Variants in RBMS3 observed in about 807,000 individuals in gnomAD.
The protein encoded by RBMS3 is RNA binding motif single stranded interacting protein 3.
Under a neutral mutation model 66.8 loss-of-function variants are expected in RBMS3, and 27 were observed. That is an observed-to-expected ratio of 0.40 (90% CI 0.30 to 0.56). The LOEUF (loss-of-function observed/expected upper bound fraction) is 0.56, where lower values mean the gene tolerates loss of function less well. Ranked by LOEUF, RBMS3 falls within the 20% of genes least tolerant of loss-of-function variation. The probability of loss-of-function intolerance (pLI) is 0.40; values close to 1 mark genes in which losing one functional copy is unlikely to be tolerated. For missense variants in RBMS3, 513 were observed against 549.5 expected (o/e 0.93, Z 0.66); for synonymous variants, 188 against 183.0 (o/e 1.03, Z -0.22).
At chr3:29,506,037 T>C (rs562878493) in intron 3 of RBMS3, among the ~76,000 whole-genome samples, 171 of 152,062 alleles carry the variant, frequency 1.1e-3, no homozygotes, top group African/African-American at 4.0e-3. Flanking sequence ...ATAATTTAAC[T>C]TCTTCCTTTC....
chr3:29,897,809 G>A (rs2060160996), intron 9 of RBMS3, among the ~76,000 whole-genome samples: 1 of 151,482 alleles, frequency 6.6e-6, no homozygotes, highest in Non-Finnish European at 1.5e-5. Context: ...TCCCTATTGT[G>A]TCTTTTCTAA....
chr3:29,912,043 T>C lies in RBMS3; in HGVS notation c.939+12288T>C, dbSNP rs950077035. On this transcript the variant is annotated intron_variant, in intron 10 of 14. Transcript: ENST00000383767. ...AATGGGTGGATAGATGATGAATGAA[T>C]GGATGGAGGGAAGGATGGATGCAGG... Among the ~76,000 whole-genome samples the C allele has an allele frequency of 3.3e-5, 5 of 151,860 alleles. 1 individual carries two copies. The highest frequency in any genetic ancestry group is 1.2e-4 in the African/African-American group (5 of 41,360).
chr3:29,676,442 A>G (rs888308499), intron 4 of RBMS3, among the ~76,000 whole-genome samples: 2 of 152,234 alleles, frequency 1.3e-5, no homozygotes, highest in Non-Finnish European at 2.9e-5. Context: ...TTTTTAAAAA[A>G]GAAATTAGTA....
Position 29,496,206 on chromosome 3 carries a change from AAAAAAAAG to A in RBMS3, c.307+7720_307+7727del, listed in dbSNP as rs1012506679. 1.5e-4 allele frequency among the ~76,000 whole-genome samples: 23 copies of A among 151,424 alleles called. No individual in the cohort carries two copies. The East Asian group carries it at 3.5e-3, about 23-fold the overall frequency. On this transcript the variant is annotated intron_variant, in intron 3 of 14. Coordinates refer to ENST00000383767, the MANE Select transcript of RBMS3 (RefSeq NM_001003793.3). ...TACCCCGCCCACATCAAAAAAAAAA[AAAAAAAAG>A]AAAAAAAGAAAAGACAAAAAAAAGT...
chr3:29,431,508 G>T (rs1416690046), intron 1 of RBMS3, among the ~76,000 whole-genome samples: 1 of 151,836 alleles, frequency 6.6e-6, no homozygotes, highest in Admixed American at 6.6e-5. Flanking sequence ...GGCCAGGATG[G>T]TCTTGATCTC....
At chr3:29,350,872 T>C (rs903393768) in intron 1 of RBMS3, among the ~76,000 whole-genome samples, 1 of 151,632 alleles carries the variant, frequency 6.6e-6, no homozygotes, top group Admixed American at 6.6e-5. Flanking sequence ...AAAACTATAA[T>C]GTGCATGGTA....
intron 1 of RBMS3, among the ~76,000 whole-genome samples, chr3:29,394,016 G>C (rs543538170): frequency 2.2e-4 from 34 of 152,154 alleles, no homozygotes; most frequent in Non-Finnish European, 4.3e-4. Flanking sequence ...CAGGAAACAG[G>C]GTTCGAGAGC....
At chr3:29,785,391 T>C (rs190106823) in intron 6 of RBMS3, among the ~76,000 whole-genome samples, 7 of 152,000 alleles carry the variant, frequency 4.6e-5, no homozygotes, top group South Asian at 4.1e-4. Flanking sequence ...AATGCAATTC[T>C]TATCTTAATA....
Position 29,841,219 on chromosome 3 carries a change from T to G in RBMS3, c.638-27639T>G, listed in dbSNP as rs148053775. Among the ~76,000 whole-genome samples the G allele has an allele frequency of 9.6e-4, 146 of 152,078 alleles. 1 individual carries two copies. The highest frequency in any genetic ancestry group is 2.7e-3 in the Admixed American group (42 of 15,282). Reference sequence around the variant, plus strand: ...TTTATGTATTGACCTGTTGACACTCTGTATATTAACCAAATTAGCCCTCGA... The same window carrying G: ...TTTATGTATTGACCTGTTGACACTCGGTATATTAACCAAATTAGCCCTCGA... On this transcript the variant is annotated intron_variant, in intron 6 of 14. Transcript: ENST00000383767.
At chr3:29,990,456 GAAACAAAAAAAAAAAA>G (rs1272329179) in intron 13 of RBMS3, among the ~76,000 whole-genome samples, 4 of 30,656 alleles carry the variant, frequency 1.3e-4, no homozygotes, top group Non-Finnish European at 2.5e-4. Context: ...GCATCTGTGA[GAAACAAAAAAAAAAAA>G]AAAAAAAAAA....
rs142375424 is a variant in RBMS3 at position 29,875,638 on chromosome 3, T to C, written c.744+6674T>C. The stretch of plus-strand genomic sequence containing the variant: ...TAAAAACAGATGAACCTACATAAAA[T>C]ATGGTAACACTGTTTTGTCTTTTTT... On this transcript the variant is annotated intron_variant, in intron 7 of 14. Transcript: ENST00000383767. Among the ~76,000 whole-genome samples, 287 of 152,200 alleles carry C rather than the reference T, an allele frequency of 1.9e-3. 1 individual carries two copies. Among genetic ancestry groups the C allele is most frequent in the East Asian group, 0.016 (82 of 5,164 alleles).
At chr3:29,294,739 T>G (rs2033102203) in intron 1 of RBMS3, among the ~76,000 whole-genome samples, 1 of 151,764 alleles carries the variant, frequency 6.6e-6, no homozygotes, top group South Asian at 2.1e-4. Context: ...CTTGAAGAAC[T>G]AGGAGATGGT....
At chr3:29,379,799 G>A (rs1244564885) in intron 1 of RBMS3, among the ~76,000 whole-genome samples, 2 of 152,122 alleles carry the variant, frequency 1.3e-5, no homozygotes, top group Admixed American at 1.3e-4. Context: ...CAGCGAAGAC[G>A]ACAGGTGCTG....
At position 30,009,102 on chromosome 3, in the gene RBMS3, C is replaced by A. The variant is rs926259987; in HGVS notation, c.*5240C>A. 3.3e-5 allele frequency: 5 copies of A among 152,186 alleles called. No individual in the cohort carries two copies. Among genetic ancestry groups the A allele is most frequent in the African/African-American group, 1.2e-4 (5 of 41,532 alleles). The allele number at this position is 152,186 out of a possible 1,614,324, so 9.4% of individuals were successfully genotyped here. On this transcript the variant is annotated 3_prime_UTR_variant, in exon 15 of 15. Coordinates refer to ENST00000383767, the MANE Select transcript of RBMS3 (RefSeq NM_001003793.3). Reference sequence around the variant, plus strand: ...AAGCTTTAAAGCTGAAGTAGAGGTGCAGTCAAGCTTGGATCTGCAGGAAGA... The same window carrying A: ...AAGCTTTAAAGCTGAAGTAGAGGTGAAGTCAAGCTTGGATCTGCAGGAAGA...
intron 12 of RBMS3, among the ~76,000 whole-genome samples, chr3:29,967,240 C>T (rs1385607482): frequency 6.6e-6 from 1 of 152,102 alleles, no homozygotes; most frequent in Non-Finnish European, 1.5e-5. Context: ...CTTTCTCTAT[C>T]TTGTGGAATA....
At chr3:29,377,735 T>A (rs1390065116) in intron 1 of RBMS3, among the ~76,000 whole-genome samples, 1 of 152,206 alleles carries the variant, frequency 6.6e-6, no homozygotes, top group Non-Finnish European at 1.5e-5. Flanking sequence ...GCCATGCTCC[T>A]GTATCAGAGA....
In RBMS3 at chr3:29,379,586, G is replaced by A. The variant is rs556494490; in HGVS notation, c.76-55157G>A. ...TCTTTTTAAAACTATCAGATGTCAT[G>A]AGACTTACTCACTATCATGAGAGCA... On this transcript the variant is annotated intron_variant, in intron 1 of 14. Coordinates refer to ENST00000383767, the MANE Select transcript of RBMS3 (RefSeq NM_001003793.3). 1.2e-4 allele frequency among the ~76,000 whole-genome samples: 19 copies of A among 152,252 alleles called. No homozygotes were observed. In the South Asian group the frequency reaches 3.7e-3, roughly 30 times the overall value.
chr3:29,902,960 C>T lies in RBMS3; in HGVS notation c.939+3205C>T, dbSNP rs115030635. 4.2e-3 allele frequency among the ~76,000 whole-genome samples: 635 copies of T among 151,900 alleles called. 2 individuals are homozygous for T. Among genetic ancestry groups the T allele is most frequent in the South Asian group, 0.014 (69 of 4,822 alleles). On this transcript the variant is annotated intron_variant, in intron 10 of 14. Coordinates refer to ENST00000383767, the MANE Select transcript of RBMS3 (RefSeq NM_001003793.3). The stretch of plus-strand genomic sequence containing the variant: ...TTGCTAAGGAGGATGAATGGGTAAA[C>T]TGGAGGGGCAACAACTGGTAAGAGA...
At chr3:29,443,450 C>A (rs1322868173) in intron 2 of RBMS3, among the ~76,000 whole-genome samples, 1 of 151,980 alleles carries the variant, frequency 6.6e-6, no homozygotes, top group Non-Finnish European at 1.5e-5. Flanking sequence ...ATGTAAATGT[C>A]ATGAAAAGCA....
Sources: gnomAD v4.1 joint callset for allele counts (sites outside exome capture counted in the v4.1 genomes callset) on GRCh38, gnomAD v4.1.1 for gene constraint, MANE v1.5 for transcripts, NCBI Gene and HGNC (gene_info 2026-07-23, HGNC 2026-07-21) for gene names.